CRB1: variants seen among roughly 807,000 people sequenced by gnomAD.
The protein encoded by CRB1 is crumbs cell polarity complex component 1.
CRB1 carries 83 observed loss-of-function variants against 120.0 expected under a neutral mutation model. The observed-to-expected ratio is 0.69, with a 90% CI of 0.58 to 0.83. The LOEUF (loss-of-function observed/expected upper bound fraction) is 0.83, where lower values mean the gene tolerates loss of function less well. Ranked by LOEUF, CRB1 falls within the 40% of genes least tolerant of loss-of-function variation. The pLI is 0.00. For missense variants in CRB1, 1,699 were observed against 1,687.6 expected (o/e 1.01, Z -0.12); for synonymous variants, 625 against 612.5 (o/e 1.02, Z -0.30).
At chr1:197,426,290 T>C (rs1558130303) in intron 6 of CRB1, among the ~76,000 whole-genome samples, 2 of 152,078 alleles carry the variant, frequency 1.3e-5, no homozygotes, top group Non-Finnish European at 2.9e-5. Context: ...GCTACAATAA[T>C]GTAGTATAAC....
chr1:197,234,381 G>A, the CRB1 span, among the ~76,000 whole-genome samples: 1 of 152,178 alleles, frequency 6.6e-6, no homozygotes, highest in East Asian at 1.9e-4. Flanking sequence ...AGGTATCACT[G>A]GAACAGCCCA....
intron 4 of CRB1, among the ~76,000 whole-genome samples, chr1:197,351,564 ACAAAATTTG>A (rs1660110634): frequency 6.6e-6 from 1 of 152,156 alleles, no homozygotes; most frequent in South Asian, 2.1e-4. Flanking sequence ...CAGAGAAATA[ACAAAATTTG>A]CTTTGTTAAT....
Position 197,428,001 on chromosome 1 carries a change from G to A in CRB1, c.2676G>A (p.Lys892=). The A allele has an allele frequency of 1.2e-6, 2 of 1,613,008 alleles. No individual in the cohort carries two copies. The highest frequency in any genetic ancestry group is 1.7e-6 in the Non-Finnish European group (2 of 1,179,544). ...TQGCAGDNSC[K]SNPCHNGGVC... is the part of the protein sequence containing the mutation. Reference sequence around the variant, plus strand: ...GCTGTGCTGGAGACAACAGCTGCAAGGTAATGATTACTCATACAAACTAGG... The same window carrying A: ...GCTGTGCTGGAGACAACAGCTGCAAAGTAATGATTACTCATACAAACTAGG... Residue 892 remains lysine, a splice_region_variant and synonymous_variant, in exon 7 of 12, where the codon AAG becomes AAA. Coordinates refer to ENST00000367400, the MANE Select transcript of CRB1 (RefSeq NM_201253.3).
At chr1:197,204,749 C>T in the CRB1 span, among the ~76,000 whole-genome samples, 3 of 152,144 alleles carry the variant, frequency 2.0e-5, no homozygotes, top group South Asian at 6.2e-4. Context: ...CTGATTGTTT[C>T]TTTTGCTGTG....
intron 10 of CRB1, chr1:197,441,911 G>T: frequency 2.0e-6 from 1 of 492,816 alleles, no homozygotes; most frequent in South Asian, 2.4e-5. Flanking sequence ...CTAAATATTT[G>T]CATCTATTTT....
intron 8 of CRB1, among the ~76,000 whole-genome samples, chr1:197,431,681 G>A (rs1664876722): frequency 6.6e-6 from 1 of 152,170 alleles, no homozygotes; most frequent in Non-Finnish European, 1.5e-5. Flanking sequence ...TGTGTCAGAA[G>A]GAAGTGAAGT....
chr1:197,352,996 A>G (rs556169491), intron 4 of CRB1, among the ~76,000 whole-genome samples: 2 of 152,326 alleles, frequency 1.3e-5, no homozygotes, highest in South Asian at 2.1e-4. Flanking sequence ...TACTGCTTAC[A>G]TATTGCTCAG....
At chr1:197,245,583 G>A in the CRB1 span, among the ~76,000 whole-genome samples, 1 of 152,082 alleles carries the variant, frequency 6.6e-6, no homozygotes, top group Non-Finnish European at 1.5e-5. Flanking sequence ...CCTTGGTGTT[G>A]ACATCTACTG....
At chr1:197,354,431 G>A (rs1258848833) in intron 4 of CRB1, among the ~76,000 whole-genome samples, 1 of 152,100 alleles carries the variant, frequency 6.6e-6, no homozygotes, top group Non-Finnish European at 1.5e-5. Context: ...CTTAAAGATG[G>A]GGTGTCCGCA....
chr1:197,368,856 T>TA (rs941668546), intron 5 of CRB1, among the ~76,000 whole-genome samples: 8 of 152,194 alleles, frequency 5.3e-5, no homozygotes, highest in Admixed American at 1.3e-4. Flanking sequence ...AATCCATCAT[T>TA]AAAGTCTTGA....
At chr1:197,374,858 C>A (rs1163674889) in intron 5 of CRB1, among the ~76,000 whole-genome samples, 1 of 152,138 alleles carries the variant, frequency 6.6e-6, no homozygotes, top group Non-Finnish European at 1.5e-5. Context: ...AGCCACAGGG[C>A]TTGCTGCCCT....
intron 8 of CRB1, 144 bp from the exon 9 acceptor site, chr1:197,434,562 A>G (rs954703912): frequency 1.4e-6 from 1 of 692,800 alleles, no homozygotes; most frequent in South Asian, 2.1e-5. Flanking sequence ...GAAATAATAT[A>G]AAAGCAACTA....
the CRB1 span, among the ~76,000 whole-genome samples, chr1:197,212,421 ATAC>A: frequency 8.3e-3 from 1,258 of 152,320 alleles, 15 homozygotes; most frequent in African/African-American, 0.024. Flanking sequence ...GTATAATAAA[ATAC>A]TACTACTACC....
chr1:197,266,338 C>G (rs1444707862), upstream of CRB1, among the ~76,000 whole-genome samples: 1 of 152,078 alleles, frequency 6.6e-6, no homozygotes. Flanking sequence ...TATGTGTCCT[C>G]ATGTGGTGCA....
chr1:197,298,993 A>C (rs1278415866), intron 1 of CRB1, among the ~76,000 whole-genome samples: 1 of 152,152 alleles, frequency 6.6e-6, no homozygotes, highest in South Asian at 2.1e-4. Flanking sequence ...TTATGAAAAA[A>C]TTAAGGATAA....
At chr1:197,348,623 C>T (rs1392564182) in intron 4 of CRB1, among the ~76,000 whole-genome samples, 1 of 151,988 alleles carries the variant, frequency 6.6e-6, no homozygotes, top group Non-Finnish European at 1.5e-5. Context: ...ACTACAGGTG[C>T]CTGCCACCAT....
intron 1 of CRB1, among the ~76,000 whole-genome samples, chr1:197,279,330 T>G (rs1382473556): frequency 1.3e-5 from 2 of 151,806 alleles, no homozygotes; most frequent in Admixed American, 6.6e-5. Flanking sequence ...ACTTAATACT[T>G]TCACAGACTA....
chr1:197,348,518 C>T (rs1659905063), intron 4 of CRB1, among the ~76,000 whole-genome samples: 1 of 151,964 alleles, frequency 6.6e-6, no homozygotes, highest in African/African-American at 2.4e-5. Context: ...TCTCTGTCGC[C>T]CAGGCTGGAA....
chr1:197,296,260 A>G (rs1656512803), intron 1 of CRB1, among the ~76,000 whole-genome samples: 1 of 152,038 alleles, frequency 6.6e-6, no homozygotes, highest in Non-Finnish European at 1.5e-5. Context: ...TACTTACCAG[A>G]TGTTTTGCCT....
Sources: allele counts gnomAD v4.1 joint callset (sites outside exome capture counted in the v4.1 genomes callset), GRCh38; gene constraint gnomAD v4.1.1; transcripts MANE v1.5; gene names NCBI Gene and HGNC (gene_info 2026-07-23, HGNC 2026-07-21).